The following VPS13B variants were observed in gnomAD, a reference collection of about 807,000 sequenced individuals.
VPS13B encodes vacuolar protein sorting 13 homolog B.
Under a neutral mutation model 426.4 loss-of-function variants are expected in VPS13B, and 285 were observed. The ratio of observed to expected loss-of-function variants is 0.67; its 90% CI spans 0.61 to 0.74. The LOEUF (loss-of-function observed/expected upper bound fraction) is 0.74. VPS13B is among the 30% of genes least tolerant of loss of function. The pLI is 0.00. For missense variants in VPS13B, 4,537 were observed against 4,782.6 expected, an observed-to-expected ratio of 0.95 and a Z score of 1.51; for synonymous variants, 1,676 against 1,676.4, an observed-to-expected ratio of 1.00 and a Z score of 0.01.
chr8:99,765,227 A>G (rs931171661), intron 39 of VPS13B, among the ~76,000 whole-genome samples: 1 of 152,178 alleles, frequency 6.6e-6, no homozygotes, highest in Middle Eastern at 3.2e-3. Context: ...CCTGGGTGAA[A>G]AAGCAAAACT....
At chr8:99,341,276 C>G (rs1003406934) in intron 19 of VPS13B, 6 of 169,334 alleles carry the variant, frequency 3.5e-5, no homozygotes, top group Non-Finnish European at 6.4e-5. Flanking sequence ...TCGTGGAAGT[C>G]TCATTAACTG....
chr8:99,540,325 C>T (rs906937452), intron 30 of VPS13B, among the ~76,000 whole-genome samples: 13 of 151,276 alleles, frequency 8.6e-5, no homozygotes, highest in Admixed American at 2.6e-4. Context: ...ATGATCCACC[C>T]GCCTCAGCCT....
At chr8:99,640,659 T>C (rs1024315903) in intron 33 of VPS13B, among the ~76,000 whole-genome samples, 2 of 152,178 alleles carry the variant, frequency 1.3e-5, no homozygotes, top group African/African-American at 4.8e-5. Flanking sequence ...TCCAGTTATA[T>C]GGGAATGGTA....
At chr8:99,244,299 A>G (rs965023568) in intron 17 of VPS13B, among the ~76,000 whole-genome samples, 1 of 152,270 alleles carries the variant, frequency 6.6e-6, no homozygotes, top group African/African-American at 2.4e-5. Context: ...CTGCAAGATT[A>G]TAAATATTTC....
chr8:99,219,212 A>G (rs1815550442), intron 17 of VPS13B, among the ~76,000 whole-genome samples: 1 of 152,232 alleles, frequency 6.6e-6, no homozygotes, highest in South Asian at 2.1e-4. Flanking sequence ...CTCAAGGGAA[A>G]TAATTGCCAG....
intron 21 of VPS13B, among the ~76,000 whole-genome samples, chr8:99,423,375 G>A (rs1201647245): frequency 6.6e-6 from 1 of 151,504 alleles, no homozygotes; most frequent in Non-Finnish European, 1.5e-5. Context: ...TCCTGCCTCA[G>A]CTACCTGAGT....
At chr8:99,061,463 T>G (rs564489528) in intron 3 of VPS13B, among the ~76,000 whole-genome samples, 1 of 152,246 alleles carries the variant, frequency 6.6e-6, no homozygotes, top group South Asian at 2.1e-4. Flanking sequence ...TTCCTGACTA[T>G]TCATTGGAGT....
intron 35 of VPS13B, among the ~76,000 whole-genome samples, chr8:99,699,230 G>A (rs1418281227): frequency 6.7e-6 from 1 of 149,924 alleles, no homozygotes; most frequent in African/African-American, 2.5e-5. Flanking sequence ...AAGGGGCAGA[G>A]TGGAAATTGA....
Position 99,170,151 on chromosome 8 carries a change from TC to T in VPS13B, c.2325del (p.Thr776HisfsTer11). The T allele has an allele frequency of 6.2e-7, 1 of 1,612,726 alleles. No individual in the cohort carries two copies. The highest frequency in any genetic ancestry group is 8.5e-7 in the Non-Finnish European group (1 of 1,178,916). ...GCTCTTTATGGGAAACTTCTGAAACTCCCCACATGCTGGTAAGTCTTACATG... is the reference window on the plus strand; with the variant it reads ...GCTCTTTATGGGAAACTTCTGAAACTCCCACATGCTGGTAAGTCTTACATG... ...STALYGKLLK[L>X]PTCWTKRSQI... On this transcript the variant is annotated frameshift_variant, in exon 16 of 62. Coordinates refer to ENST00000357162, the MANE Select transcript of VPS13B (RefSeq NM_152564.5). LOFTEE classifies it high-confidence loss of function.
intron 21 of VPS13B, among the ~76,000 whole-genome samples, chr8:99,410,535 A>ATTAT (rs202087477): frequency 0.093 from 13,830 of 149,020 alleles, 710 homozygotes; most frequent in African/African-American, 0.13. Flanking sequence ...TGTTACCAGA[A>ATTAT]TTATTTATTT....
intron 33 of VPS13B, among the ~76,000 whole-genome samples, chr8:99,617,407 C>T (rs1276477613): frequency 1.3e-5 from 2 of 152,178 alleles, no homozygotes; most frequent in African/African-American, 4.8e-5. Flanking sequence ...TGGCTCACTG[C>T]AACCTCTGTC....
At chr8:99,675,992 G>A (rs1563857434) in intron 35 of VPS13B, among the ~76,000 whole-genome samples, 1 of 151,820 alleles carries the variant, frequency 6.6e-6, no homozygotes, top group African/African-American at 2.4e-5. Flanking sequence ...GTGATGTCAT[G>A]TTTCTAGTTT....
intron 33 of VPS13B, among the ~76,000 whole-genome samples, chr8:99,615,049 G>A (rs928044575): frequency 2.0e-4 from 30 of 151,134 alleles, no homozygotes; most frequent in African/African-American, 6.1e-4. Flanking sequence ...CCCAGGAGGC[G>A]GAGGCTGCGG....
intron 19 of VPS13B, among the ~76,000 whole-genome samples, chr8:99,369,173 C>T (rs964383071): frequency 4.6e-5 from 7 of 152,126 alleles, no homozygotes; most frequent in African/African-American, 1.7e-4. Context: ...CCCACTATCA[C>T]CACAAGATTC....
At chr8:99,287,282 CTA>C (rs1275821085) in intron 19 of VPS13B, among the ~76,000 whole-genome samples, 1 of 151,238 alleles carries the variant, frequency 6.6e-6, no homozygotes, top group Non-Finnish European at 1.5e-5. Context: ...ATCTATCTAT[CTA>C]TCTCTCCCTC....
At chr8:99,694,707 T>G (rs1364011712) in intron 35 of VPS13B, among the ~76,000 whole-genome samples, 6 of 149,930 alleles carry the variant, frequency 4.0e-5, no homozygotes, top group Non-Finnish European at 8.9e-5. Context: ...GGGATCTAAT[T>G]AAACTAAAGA....
intron 3 of VPS13B, among the ~76,000 whole-genome samples, chr8:99,044,434 T>G (rs963720575): frequency 3.3e-5 from 5 of 151,584 alleles, no homozygotes; most frequent in South Asian, 2.1e-4. Flanking sequence ...GTGTGTGTTT[T>G]TTTAATTGAA....
intron 25 of VPS13B, among the ~76,000 whole-genome samples, chr8:99,500,175 T>C (rs1329154577): frequency 1.3e-5 from 2 of 152,172 alleles, no homozygotes; most frequent in Non-Finnish European, 2.9e-5. Flanking sequence ...TATATTGTCT[T>C]TGTTTAAATT....
In VPS13B at chr8:99,861,848, A is replaced by T; in HGVS notation, c.11117A>T (p.Glu3706Val). The T allele has an allele frequency of 6.2e-7, 1 of 1,601,308 alleles. No homozygotes were observed. The change falls in exon 58 of 62, where the codon GAG becomes GTG. Residue 3706 changes from glutamate to valine, a missense_variant. Transcript: ENST00000357162. ...RNMDRLSLDE[E>V]HYNRQEEWRR... is the part of the protein sequence containing the mutation. The stretch of plus-strand genomic sequence containing the variant: ...ATGGACCGGCTCTCACTGGATGAGG[A>T]GCACTACAACCGGCAGGAGGAGTGG...
Sources: allele counts gnomAD v4.1 joint callset (sites outside exome capture counted in the v4.1 genomes callset), GRCh38; gene constraint gnomAD v4.1.1; transcripts MANE v1.5; gene names NCBI Gene and HGNC (gene_info 2026-07-23, HGNC 2026-07-21).